Variants in CCM2 observed in about 807,000 individuals in gnomAD.
CCM2 encodes cerebral cavernous malformations 2 protein.
In CCM2, 25 loss-of-function variants were observed where a neutral mutation model predicts 44.9. The ratio of observed to expected loss-of-function variants is 0.56; its 90% CI spans 0.41 to 0.78. CCM2 has a LOEUF of 0.78. Among genes scored for constraint, CCM2 ranks in the 30% least tolerant of loss-of-function variants. The pLI is 0.00. For missense variants in CCM2, 481 were observed against 580.6 expected, an observed-to-expected ratio of 0.83 and a Z score of 1.76; for synonymous variants, 219 against 241.1, an observed-to-expected ratio of 0.91 and a Z score of 0.85.
At chr7:45,062,284 A>G (rs1255436672) in intron 2 of CCM2, among the ~76,000 whole-genome samples, 1 of 152,210 alleles carries the variant, frequency 6.6e-6, no homozygotes, top group East Asian at 1.9e-4. Flanking sequence ...GTTGAGTGCA[A>G]GAAGCCTGTT....
chr7:45,011,033 A>C (rs1309538399), intron 1 of CCM2, among the ~76,000 whole-genome samples: 1 of 151,846 alleles, frequency 6.6e-6, no homozygotes, highest in Admixed American at 6.6e-5. Flanking sequence ...TTTGTCTCCT[A>C]ATTCTTTGTT....
At chr7:45,019,140 T>G (rs936281877) in intron 1 of CCM2, among the ~76,000 whole-genome samples, 1 of 145,078 alleles carries the variant, frequency 6.9e-6, no homozygotes, top group Non-Finnish European at 1.5e-5. Context: ...CTCGGCTCAC[T>G]GCAACCTTGC....
chr7:45,049,114 C>A (rs1201504534), intron 2 of CCM2, among the ~76,000 whole-genome samples: 1 of 152,148 alleles, frequency 6.6e-6, no homozygotes, highest in East Asian at 1.9e-4. Context: ...CACCATCACA[C>A]CTGGCTAATT....
In CCM2 at chr7:45,006,268, C is replaced by T. The variant is rs150888512; in HGVS notation, c.30+5905C>T. 4.1e-3 allele frequency among the ~76,000 whole-genome samples: 631 copies of T among 152,220 alleles called. 8 individuals are homozygous for T. The highest frequency in any genetic ancestry group is 0.015 in the African/African-American group (612 of 41,532). ...CTGTGTGGGCCGAATAGTGTCCCCT[C>T]AGAGTCATGTGCTGAAGCCCCTACT... is the stretch of plus-strand genomic sequence containing the variant. On this transcript the variant is annotated intron_variant, in intron 1 of 9. Coordinates refer to ENST00000258781, the MANE Select transcript of CCM2 (RefSeq NM_031443.4).
intron 4 of CCM2, 48 bp from the exon 5 acceptor site, chr7:45,068,395 A>G (rs760170287): frequency 1.2e-6 from 2 of 1,613,060 alleles, no homozygotes; most frequent in African/African-American, 1.3e-5. Context: ...AAGTGCCCCC[A>G]TGCCTGCCCT....
intron 1 of CCM2, among the ~76,000 whole-genome samples, chr7:45,032,997 G>A (rs1173657404): frequency 8.2e-6 from 1 of 122,084 alleles, no homozygotes; most frequent in Non-Finnish European, 1.6e-5. Flanking sequence ...CCAAGATTAT[G>A]CCATTGCACT....
chr7:45,050,163 T>G (rs1583931710), intron 2 of CCM2, among the ~76,000 whole-genome samples: 1 of 152,250 alleles, frequency 6.6e-6, no homozygotes, highest in Non-Finnish European at 1.5e-5. Flanking sequence ...TACTTACTAT[T>G]GTGTTACAGT....
At chr7:45,053,042 C>G (rs1231571181) in intron 2 of CCM2, among the ~76,000 whole-genome samples, 1 of 152,230 alleles carries the variant, frequency 6.6e-6, no homozygotes, top group Non-Finnish European at 1.5e-5. Context: ...AGTCTTTACC[C>G]AGTGGATGTA....
chr7:45,004,453 G>A (rs547469171), intron 1 of CCM2, among the ~76,000 whole-genome samples: 9 of 152,272 alleles, frequency 5.9e-5, no homozygotes, highest in Admixed American at 5.9e-4. Context: ...AAAGTGGAGG[G>A]GAAAAGATCC....
chr7:45,063,844 C>T lies in CCM2; in HGVS notation c.205-74C>T. The T allele has an allele frequency of 6.8e-6, 7 of 1,024,142 alleles. No individual in the cohort carries two copies. The South Asian group carries it at 8.9e-5, about 13-fold the overall frequency. 63.4% of individuals were successfully genotyped at this position (1,024,142 alleles called of 1,614,324 possible). On this transcript the variant is annotated intron_variant, in intron 2 of 9. Transcript: ENST00000258781. Reference sequence around the variant, plus strand: ...CTGAGTATGAAGCACTTGGTTTGTGCTCTCGGTGGTAGTGATGGTGGTGTT... The same window carrying T: ...CTGAGTATGAAGCACTTGGTTTGTGTTCTCGGTGGTAGTGATGGTGGTGTT...
At position 45,068,491 on chromosome 7, in the gene CCM2, C is replaced by T. The variant is rs1264400116; in HGVS notation, c.521C>T (p.Ser174Phe). 6.2e-7 allele frequency: 1 copy of T among 1,614,206 alleles called. No homozygotes were observed. Among genetic ancestry groups the T allele is most frequent in the Non-Finnish European group, 8.5e-7 (1 of 1,180,042 alleles). The change falls in exon 5 of 10, where the codon TCC becomes TTC. Residue 174 changes from serine to phenylalanine, a missense_variant. By Grantham distance (155) the Ser-to-Phe change is radical (BLOSUM62 -2). Transcript: ENST00000258781. ...AGCCAGAGTCTGTGTGCGGAAAGTT[C>T]CAGAGGCCTCAGTGCAGGCTCCCTG... is the stretch of plus-strand genomic sequence containing the variant. ...SPSQSLCAES[S>F]RGLSAGSLSE...
chr7:45,064,826 C>G (rs957864928), intron 4 of CCM2, among the ~76,000 whole-genome samples, 180 bp downstream of exon 4: 1 of 152,170 alleles, frequency 6.6e-6, no homozygotes, highest in Non-Finnish European at 1.5e-5. Flanking sequence ...TTACCAGACA[C>G]TGGGGGTGAC....
Position 45,064,516 on chromosome 7 carries a change from C to T in CCM2, c.342C>T (p.Ser114=), listed in dbSNP as rs775588323. ...HLTQEHDAVL[S]LSAYNVKLAW... Reference sequence around the variant, plus strand: ...CTCAGGAGCACGATGCTGTGCTCAGCCTGTCTGCGTACAACGTCAAGCTGG... The same window carrying T: ...CTCAGGAGCACGATGCTGTGCTCAGTCTGTCTGCGTACAACGTCAAGCTGG... Residue 114 remains serine, a synonymous_variant, in exon 4 of 10, where the codon AGC becomes AGT. Transcript: ENST00000258781. 6.2e-7 allele frequency: 1 copy of T among 1,613,714 alleles called. No homozygotes were observed. Among genetic ancestry groups the T allele is most frequent in the South Asian group, 1.1e-5 (1 of 91,054 alleles).
Position 45,051,090 on chromosome 7 carries a change from A to G in CCM2, c.204+12664A>G, listed in dbSNP as rs544544529. ...GGTGAGACACCACTGCCTGTACTAC[A>G]CTCCACCCTGCACTTCCTCATCCAC... On this transcript the variant is annotated intron_variant, in intron 2 of 9. Coordinates refer to ENST00000258781, the MANE Select transcript of CCM2 (RefSeq NM_031443.4). Among the ~76,000 whole-genome samples, 4 of 152,032 alleles carry G rather than the reference A, an allele frequency of 2.6e-5. No individual in the cohort carries two copies. In the East Asian group the frequency reaches 5.8e-4, roughly 22 times the overall value.
intron 1 of CCM2, among the ~76,000 whole-genome samples, chr7:45,003,903 G>A (rs1281745994): frequency 6.6e-6 from 1 of 152,204 alleles, no homozygotes; most frequent in Non-Finnish European, 1.5e-5. Context: ...GTTATAGGTT[G>A]AGTGTAGTGG....
intron 2 of CCM2, among the ~76,000 whole-genome samples, chr7:45,048,376 A>G (rs995267815): frequency 2.0e-5 from 3 of 152,248 alleles, no homozygotes; most frequent in African/African-American, 7.2e-5. Context: ...TGTTTTTAGA[A>G]TGAACATTAA....
At chr7:45,025,204 A>G (rs965601552) in intron 1 of CCM2, among the ~76,000 whole-genome samples, 1 of 152,200 alleles carries the variant, frequency 6.6e-6, no homozygotes, top group Non-Finnish European at 1.5e-5. Flanking sequence ...TTTTTTATTG[A>G]TGAAATTCAA....
chr7:45,047,366 A>G (rs1797806186), intron 2 of CCM2, among the ~76,000 whole-genome samples: 1 of 152,224 alleles, frequency 6.6e-6, no homozygotes, highest in Admixed American at 6.5e-5. Context: ...TCCATGCCAC[A>G]GAAGACTATT....
intron 1 of CCM2, among the ~76,000 whole-genome samples, chr7:45,030,360 TC>T (rs1460530718): frequency 2.0e-5 from 3 of 152,224 alleles, no homozygotes; most frequent in Non-Finnish European, 2.9e-5. Flanking sequence ...TATAGTACAT[TC>T]TAGTGAGTTA....
Sources: gnomAD v4.1 joint callset for allele counts (sites outside exome capture counted in the v4.1 genomes callset) on GRCh38, gnomAD v4.1.1 for gene constraint, MANE v1.5 for transcripts, NCBI Gene and HGNC (gene_info 2026-07-23, HGNC 2026-07-21) for gene names.